The following CTCF variants were observed in gnomAD, a reference collection of about 807,000 sequenced individuals.
The protein encoded by CTCF is CCCTC-binding factor, also known as transcriptional repressor CTCF.
Under a neutral mutation model 72.3 loss-of-function variants are expected in CTCF, and 7 were observed. That is an observed-to-expected ratio of 0.10 (90% CI 0.06 to 0.18). The LOEUF (loss-of-function observed/expected upper bound fraction) is 0.18, where lower values mean the gene tolerates loss of function less well. Ranked by LOEUF, CTCF falls within the 10% of genes least tolerant of loss-of-function variation. The pLI, the probability that CTCF is intolerant of heterozygous loss-of-function variation, is 1.00. For missense variants in CTCF, 516 were observed against 949.1 expected (o/e 0.54, Z 6.00); for synonymous variants, 374 against 315.8 (o/e 1.18, Z -1.95).
At chr16:67,565,550 G>A (rs966822246) in intron 1 of CTCF, among the ~76,000 whole-genome samples, 16 of 151,750 alleles carry the variant, frequency 1.1e-4, no homozygotes, top group African/African-American at 3.6e-4. Context: ...GGCACACGCC[G>A]TAGTCCTGGC....
rs116599226 is a variant in CTCF, at chr16:67,614,053, C to T, written c.952+1932C>T. On this transcript the variant is annotated intron_variant, in intron 4 of 11. Transcript: ENST00000264010. ...CTAGGGGGCGCCTTTGCCTCTGTTA[C>T]GATGCTGTAGCAGCCGGGCGCCGTA... Among the ~76,000 whole-genome samples, 947 of 152,142 alleles carry T rather than the reference C, an allele frequency of 6.2e-3. 6 individuals carry two copies. Among genetic ancestry groups the T allele is most frequent in the African/African-American group, 0.021 (877 of 41,530 alleles).
intron 2 of CTCF, among the ~76,000 whole-genome samples, chr16:67,604,745 G>GTTTTTTTTT (rs1008114398): frequency 9.7e-6 from 1 of 103,278 alleles, no homozygotes; most frequent in Admixed American, 8.6e-5. Context: ...TTTTTTTTTT[G>GTTTTTTTTT]TTTTTTGTTT....
At chr16:67,611,779 C>CT (rs1338083319) in intron 3 of CTCF, among the ~76,000 whole-genome samples, 166 bp downstream of exon 3, 2 of 151,942 alleles carry the variant, frequency 1.3e-5, no homozygotes, top group African/African-American at 4.8e-5. Context: ...ATTGAATGCT[C>CT]TTTTTTTAAT....
intron 2 of CTCF, among the ~76,000 whole-genome samples, chr16:67,609,476 G>T (rs2052027565): frequency 6.6e-6 from 1 of 152,000 alleles, no homozygotes; most frequent in African/African-American, 2.4e-5. Context: ...TAATTGTCTT[G>T]TGTCACATCT....
intron 1 of CTCF, among the ~76,000 whole-genome samples, chr16:67,565,068 C>G (rs1357307451): frequency 2.0e-5 from 3 of 151,120 alleles, no homozygotes; most frequent in Non-Finnish European, 4.4e-5. Context: ...GTGGTGCGAT[C>G]TCGGCTCACT....
intron 7 of CTCF, among the ~76,000 whole-genome samples, chr16:67,622,565 G>A (rs1459264626): frequency 3.3e-5 from 5 of 151,796 alleles, no homozygotes; most frequent in African/African-American, 9.7e-5. Flanking sequence ...TGTCAGGTGT[G>A]CTCCAGTTCT....
At position 67,616,827 on chromosome 16, in the gene CTCF, C is replaced by A; in HGVS notation, c.1035C>A (p.His345Gln). 6.2e-7 allele frequency: 1 copy of A among 1,614,160 alleles called. No homozygotes were observed. The highest frequency in any genetic ancestry group is 8.5e-7 in the Non-Finnish European group (1 of 1,180,014). The change falls in exon 5 of 12, where the codon CAC (histidine) becomes CAA (glutamine). Residue 345 changes from histidine to glutamine, a missense_variant. Physicochemically the swap from His to Gln is conservative, Grantham distance 24. Coordinates refer to ENST00000264010, the MANE Select transcript of CTCF (RefSeq NM_006565.4). ...TGGTTCGGCATCGTCGTTACAAACA[C>A]ACCCACGAGAAGCCATTCAAGTGTT... ...GELVRHRRYK[H>Q]THEKPFKCSM...
intron 2 of CTCF, among the ~76,000 whole-genome samples, chr16:67,607,808 A>AG: frequency 1.3e-5 from 2 of 151,066 alleles, no homozygotes; most frequent in African/African-American, 2.4e-5. Context: ...TCACGAGGTC[A>AG]GAAGTTCAAG....
At chr16:67,621,646 C>A (rs541326079) in intron 7 of CTCF, 55 bp downstream of exon 7, 2 of 1,316,986 alleles carry the variant, frequency 1.5e-6, no homozygotes, top group Admixed American at 1.8e-5. Context: ...ATTTATATTT[C>A]GAAATATGGG....
intron 2 of CTCF, among the ~76,000 whole-genome samples, chr16:67,605,962 G>A (rs184708105): frequency 6.6e-6 from 1 of 152,322 alleles, no homozygotes; most frequent in Non-Finnish European, 1.5e-5. Flanking sequence ...CAGAAGGGTG[G>A]TAAGTGCATC....
At chr16:67,631,150 G>GTGTTTTTTTTTTTTTTTTTTTT (rs2052356545) in intron 10 of CTCF, among the ~76,000 whole-genome samples, 1 of 132,534 alleles carries the variant, frequency 7.5e-6, no homozygotes, top group African/African-American at 3.2e-5. Flanking sequence ...TTTGTTCTTT[G>GTGTTTTTTTTTTTTTTTTTTTT]TTTGTTTTTT....
intron 2 of CTCF, among the ~76,000 whole-genome samples, chr16:67,590,752 C>T (rs1403113389): frequency 1.3e-5 from 2 of 151,446 alleles, no homozygotes; most frequent in African/African-American, 4.8e-5. Context: ...AGGTCAGAAG[C>T]TCAAGCCCAG....
chr16:67,623,873 C>T (rs185977963), intron 7 of CTCF, among the ~76,000 whole-genome samples: 1 of 152,102 alleles, frequency 6.6e-6, no homozygotes, highest in Non-Finnish European at 1.5e-5. Flanking sequence ...CACAGTGAAA[C>T]CCCATCTCTA....
intron 2 of CTCF, among the ~76,000 whole-genome samples, chr16:67,608,617 C>G (rs2052010885): frequency 6.6e-6 from 1 of 152,144 alleles, no homozygotes; most frequent in African/African-American, 2.4e-5. Flanking sequence ...TGCTACACAA[C>G]ATAGTTCCTG....
intron 2 of CTCF, among the ~76,000 whole-genome samples, chr16:67,579,434 C>G (rs2051550015): frequency 6.6e-6 from 1 of 151,740 alleles, no homozygotes; most frequent in African/African-American, 2.4e-5. Context: ...TCTCGGCTCA[C>G]TGCAATCCTT....
intron 2 of CTCF, among the ~76,000 whole-genome samples, chr16:67,595,519 G>A (rs2051799493): frequency 1.3e-5 from 2 of 152,090 alleles, no homozygotes; most frequent in South Asian, 2.1e-4. Flanking sequence ...AGCCAAAAAA[G>A]CATATATTGT....
chr16:67,634,039 C>A (rs2052398426), intron 10 of CTCF, among the ~76,000 whole-genome samples: 1 of 152,078 alleles, frequency 6.6e-6, no homozygotes, highest in Non-Finnish European at 1.5e-5. Flanking sequence ...GTATTCAAGT[C>A]GATTTGCTTC....
At chr16:67,572,331 C>T (rs2051434314) in intron 2 of CTCF, among the ~76,000 whole-genome samples, 1 of 152,296 alleles carries the variant, frequency 6.6e-6, no homozygotes. Flanking sequence ...AGAGTGCATA[C>T]CAAAAGTTGC....
chr16:67,587,233 A>C (rs781075338), intron 2 of CTCF, among the ~76,000 whole-genome samples: 3 of 151,658 alleles, frequency 2.0e-5, no homozygotes, highest in Non-Finnish European at 4.4e-5. Flanking sequence ...CAGTGCTGGA[A>C]TGGTAGGCGT....
Sources: gnomAD v4.1 joint callset for allele counts (sites outside exome capture counted in the v4.1 genomes callset) on GRCh38, gnomAD v4.1.1 for gene constraint, MANE v1.5 for transcripts, NCBI Gene and HGNC (gene_info 2026-07-23, HGNC 2026-07-21) for gene names.